CTNNA2: variants seen among roughly 807,000 people sequenced by gnomAD.
CTNNA2 encodes catenin alpha-2.
Under a neutral mutation model 101.0 loss-of-function variants are expected in CTNNA2, and 42 were observed. That is an observed-to-expected ratio of 0.42 (90% CI 0.32 to 0.54). The LOEUF is 0.54. CTNNA2 is among the 20% of genes least tolerant of loss of function. The pLI is 0.14. For missense variants in CTNNA2, 871 were observed against 1,223.1 expected (o/e 0.71, Z 4.29); for synonymous variants, 450 against 456.4 (o/e 0.99, Z 0.18).
chr2:80,271,401 C>A (rs1294788564), intron 7 of CTNNA2, among the ~76,000 whole-genome samples: 1 of 150,928 alleles, frequency 6.6e-6, no homozygotes, highest in Non-Finnish European at 1.5e-5. Flanking sequence ...CCACATTGAC[C>A]AAGCTTCTTT....
chr2:79,876,553 G>C (rs1005374121), intron 6 of CTNNA2, among the ~76,000 whole-genome samples: 4 of 152,150 alleles, frequency 2.6e-5, no homozygotes, highest in African/African-American at 9.7e-5. Context: ...GGTTAAGAGT[G>C]AAAATATGAA....
intron 7 of CTNNA2, among the ~76,000 whole-genome samples, chr2:80,063,731 A>G (rs1697772749): frequency 6.6e-6 from 1 of 152,260 alleles, no homozygotes; most frequent in Non-Finnish European, 1.5e-5. Context: ...AAACCTGAAC[A>G]TTCATTCCAG....
chr2:79,376,920 A>G (rs1677984843), intron 4 of CTNNA2, among the ~76,000 whole-genome samples: 1 of 152,092 alleles, frequency 6.6e-6, no homozygotes, highest in African/African-American at 2.4e-5. Context: ...AGTCTTTGCT[A>G]TTGTGAATAG....
chr2:80,180,672 A>G (rs1373314449), intron 7 of CTNNA2, among the ~76,000 whole-genome samples: 1 of 152,184 alleles, frequency 6.6e-6, no homozygotes, highest in Non-Finnish European at 1.5e-5. Flanking sequence ...CTGCTCTCAC[A>G]TATCTATTTT....
intron 4 of CTNNA2, among the ~76,000 whole-genome samples, chr2:79,491,637 T>C (rs1172643888): frequency 6.6e-6 from 1 of 152,138 alleles, no homozygotes; most frequent in African/African-American, 2.4e-5. Flanking sequence ...TAACCTCCTT[T>C]CCATCAGAAA....
At chr2:79,208,320 T>C (rs1485535417) in intron 2 of CTNNA2, among the ~76,000 whole-genome samples, 1 of 152,150 alleles carries the variant, frequency 6.6e-6, no homozygotes, top group Admixed American at 6.5e-5. Flanking sequence ...ATGTCAAGAT[T>C]CTCTAACAAT....
chr2:80,364,970 A>G (rs1674781971), intron 7 of CTNNA2, among the ~76,000 whole-genome samples: 1 of 152,110 alleles, frequency 6.6e-6, no homozygotes, highest in South Asian at 2.1e-4. Context: ...AGCTCGATTT[A>G]GTGGCATTGG....
At chr2:80,219,801 A>G (rs752543000) in intron 7 of CTNNA2, among the ~76,000 whole-genome samples, 5 of 152,320 alleles carry the variant, frequency 3.3e-5, no homozygotes, top group Middle Eastern at 3.4e-3. Context: ...CTTCTTAATT[A>G]GCACTCTTTT....
At chr2:79,603,714 T>C (rs537808988) in intron 1 of CTNNA2, among the ~76,000 whole-genome samples, 2 of 152,312 alleles carry the variant, frequency 1.3e-5, no homozygotes, top group South Asian at 4.1e-4. Flanking sequence ...AGCAACTGCC[T>C]GAAATTGTTG....
intron 7 of CTNNA2, among the ~76,000 whole-genome samples, chr2:80,096,692 G>C (rs926442047): frequency 3.9e-5 from 6 of 152,184 alleles, no homozygotes; most frequent in African/African-American, 1.2e-4. Context: ...GGGTGCTCTT[G>C]TATTGGGTGC....
intron 7 of CTNNA2, among the ~76,000 whole-genome samples, chr2:80,294,219 T>C (rs929854556): frequency 2.6e-5 from 4 of 152,180 alleles, no homozygotes; most frequent in Non-Finnish European, 5.9e-5. Flanking sequence ...CTTCTTGCCT[T>C]AAAAATGGGA....
chr2:79,956,843 G>GTTTT lies in CTNNA2; in HGVS notation c.1056+47068_1056+47071dup, dbSNP rs66471325. ...TTTCATTTACTATGAATACGTGTGG[G>GTTTT]TTTTTTTTTTTTTTTTTTTTTTTTT... On this transcript the variant is annotated intron_variant, in intron 7 of 18. Transcript: ENST00000402739. 1.6e-4 allele frequency among the ~76,000 whole-genome samples: 16 copies of GTTTT among 98,906 alleles called. 1 individual carries two copies. Among genetic ancestry groups the GTTTT allele is most frequent in the African/African-American group, 2.8e-4 (6 of 21,350 alleles). The allele number at this position is 98,906 out of a possible 152,430, so 64.9% of individuals were successfully genotyped here.
At chr2:79,884,526 A>G (rs1032217257) in intron 6 of CTNNA2, among the ~76,000 whole-genome samples, 3 of 152,136 alleles carry the variant, frequency 2.0e-5, no homozygotes, top group Non-Finnish European at 4.4e-5. Context: ...ACATTATTAT[A>G]CTGACCATGC....
intron 3 of CTNNA2, among the ~76,000 whole-genome samples, chr2:79,790,634 G>T (rs1225718476): frequency 1.3e-5 from 2 of 152,136 alleles, no homozygotes; most frequent in African/African-American, 2.4e-5. Flanking sequence ...AGAATGTAAG[G>T]CCAGAGAATA....
chr2:79,792,471 G>C (rs146443133), intron 3 of CTNNA2, among the ~76,000 whole-genome samples: 12 of 152,300 alleles, frequency 7.9e-5, no homozygotes, highest in Non-Finnish European at 1.8e-4. Context: ...TTAGCTTGCA[G>C]TGTAATGTCT....
intron 5 of CTNNA2, among the ~76,000 whole-genome samples, chr2:79,872,615 C>G (rs1396563856): frequency 6.6e-6 from 1 of 152,096 alleles, no homozygotes; most frequent in Non-Finnish European, 1.5e-5. Context: ...TCTTTTAATG[C>G]TTAAGCAAAG....
intron 7 of CTNNA2, among the ~76,000 whole-genome samples, chr2:80,098,530 A>T (rs1472584449): frequency 6.6e-6 from 1 of 152,174 alleles, no homozygotes; most frequent in Non-Finnish European, 1.5e-5. Flanking sequence ...CTCTCTTCAA[A>T]GCTGTCAGAC....
At chr2:80,126,601 TCCCTCCCTCCCTCC>T (rs1558832936) in intron 7 of CTNNA2, among the ~76,000 whole-genome samples, 3 of 25,828 alleles carry the variant, frequency 1.2e-4, no homozygotes, top group African/African-American at 1.6e-4. Flanking sequence ...CCTCCCTCCC[TCCCTCCCTCCCTCC>T]CTCCCTCCCT....
intron 7 of CTNNA2, among the ~76,000 whole-genome samples, chr2:79,930,514 C>T (rs2860368): frequency 0.21 from 32,610 of 151,864 alleles, 3,646 homozygotes; most frequent in Middle Eastern, 0.28. Flanking sequence ...GAAACTTTTG[C>T]GAAATAAGGA....
Sources: allele counts gnomAD v4.1 joint callset (sites outside exome capture counted in the v4.1 genomes callset), GRCh38; gene constraint gnomAD v4.1.1; transcripts MANE v1.5; gene names NCBI Gene and HGNC (gene_info 2026-07-23, HGNC 2026-07-21).